TMPRSS9: variants seen among roughly 807,000 people sequenced by gnomAD.
TMPRSS9 encodes the protein transmembrane protease serine 9.
In TMPRSS9, 113 loss-of-function variants were observed where a neutral mutation model predicts 111.4. The ratio of observed to expected loss-of-function variants is 1.01; its 90% CI spans 0.87 to 1.19. The LOEUF (loss-of-function observed/expected upper bound fraction) is 1.19, where lower values mean the gene tolerates loss of function less well. TMPRSS9 is among the 50% of genes most tolerant of loss of function. TMPRSS9 has a pLI of 0.00. For missense variants in TMPRSS9, 1,803 were observed against 1,513.1 expected, an observed-to-expected ratio of 1.19 and a Z score of -3.18; for synonymous variants, 805 against 659.1, an observed-to-expected ratio of 1.22 and a Z score of -3.39.
At chr19:2,405,076 C>T (rs1294920298) in intron 6 of TMPRSS9, among the ~76,000 whole-genome samples, 1 of 151,932 alleles carries the variant, frequency 6.6e-6, no homozygotes, top group African/African-American at 2.4e-5. Context: ...ATATCCTATA[C>T]AAACATGTAC....
chr19:2,413,746 T>G, exon 10 of TMPRSS9: 2 of 1,613,834 alleles, frequency 1.2e-6, no homozygotes, highest in Non-Finnish European at 1.7e-6. Flanking sequence ...TCTGGCCGGT[T>G]CTTTCTGGCT....
At chr19:2,385,380 G>A (rs1970458395), upstream of TMPRSS9, among the ~76,000 whole-genome samples, 1 of 152,214 alleles carries the variant, frequency 6.6e-6, no homozygotes, top group Non-Finnish European at 1.5e-5. Flanking sequence ...CGCGGAAAAT[G>A]GGTGGATCCC....
intron 5 of TMPRSS9, among the ~76,000 whole-genome samples, chr19:2,402,302 A>G (rs1568180505): frequency 1.3e-5 from 2 of 152,084 alleles, no homozygotes; most frequent in East Asian, 3.9e-4. Context: ...TTAGCCGGGC[A>G]TAGTGGCGTA....
chr19:2,418,105 A>G, exon 13 of TMPRSS9: 1 of 1,612,146 alleles, frequency 6.2e-7, no homozygotes, highest in Non-Finnish European at 8.5e-7. Flanking sequence ...TGATCTGCGC[A>G]GGCTTCCTGG....
At chr19:2,395,136 C>T (rs1043606333) in intron 1 of TMPRSS9, among the ~76,000 whole-genome samples, 1 of 152,026 alleles carries the variant, frequency 6.6e-6, no homozygotes, top group African/African-American at 2.4e-5. Flanking sequence ...CAAAAATTAA[C>T]GCTGGGTGCA....
At chr19:2,416,633 T>C in exon 12 of TMPRSS9, 1 of 1,612,900 alleles carries the variant, frequency 6.2e-7, no homozygotes, top group South Asian at 1.1e-5. Context: ...CGGGTAGTGC[T>C]GCACCCCCTC....
intron 9 of TMPRSS9, among the ~76,000 whole-genome samples, chr19:2,411,385 CTTT>C (rs1221156376): frequency 7.1e-5 from 9 of 126,940 alleles, no homozygotes; most frequent in Non-Finnish European, 1.4e-4. Context: ...CTGGAACCTT[CTTT>C]TTCTTCTTCT....
At chr19:2,400,906 G>T (rs1046145420) in intron 4 of TMPRSS9, among the ~76,000 whole-genome samples, 1 of 147,462 alleles carries the variant, frequency 6.8e-6, no homozygotes, top group Non-Finnish European at 1.5e-5. Flanking sequence ...CCTGGTGGAG[G>T]TGGAGGTTGC....
chr19:2,392,673 T>C (rs1227395056), intron 1 of TMPRSS9, among the ~76,000 whole-genome samples: 2 of 152,198 alleles, frequency 1.3e-5, no homozygotes, highest in Non-Finnish European at 2.9e-5. Context: ...GTCTAGCTAA[T>C]CTGGTGGGGA....
At chr19:2,420,417 G>A (rs376578091) in intron 13 of TMPRSS9, among the ~76,000 whole-genome samples, 13 of 145,080 alleles carry the variant, frequency 9.0e-5, no homozygotes, top group African/African-American at 1.5e-4. Context: ...ACTCCAGCCC[G>A]GGCAACAGAG....
exon 15 of TMPRSS9, chr19:2,424,185 G>T: frequency 6.8e-7 from 1 of 1,462,038 alleles, no homozygotes; most frequent in Non-Finnish European, 9.1e-7. Context: ...TGGCTGCGGC[G>T]CCGGGAACAC....
chr19:2,425,327 A>C (rs1030943867), intron 16 of TMPRSS9, 30 bp from the exon 18 acceptor site: 2 of 1,380,478 alleles, frequency 1.4e-6, no homozygotes, highest in Admixed American at 3.1e-5. Context: ...CGCGGTCCCC[A>C]CCCGCCCCGT....
chr19:2,387,906 G>C (rs1970510700), upstream of TMPRSS9, among the ~76,000 whole-genome samples: 1 of 152,206 alleles, frequency 6.6e-6, no homozygotes, highest in African/African-American at 2.4e-5. Context: ...TCACAGAGGG[G>C]CAGGGGAGGG....
At position 2,416,815 on chromosome 19, in the gene TMPRSS9, C is replaced by G. The variant is rs776904335; in HGVS notation, c.2017+6C>G. 2 of 1,600,214 alleles carry G rather than the reference C, an allele frequency of 1.2e-6. No individual in the cohort carries two copies. Among genetic ancestry groups the G allele is most frequent in the Admixed American group, 3.3e-5 (2 of 59,714 alleles). Reference sequence around the variant, plus strand: ...AAATACGCAGGAAGGAAATGGTGAGCGCTGCCCCATCGAGGGGAACGGTGG... The same window carrying G: ...AAATACGCAGGAAGGAAATGGTGAGGGCTGCCCCATCGAGGGGAACGGTGG... On this transcript the variant is annotated splice_donor_region_variant and intron_variant, in intron 12 of 17. Transcript: ENST00000648592.
At chr19:2,379,666 T>TTTCTTTC (rs1463772708) in intron 1 of TMPRSS9, among the ~76,000 whole-genome samples, 4 of 149,698 alleles carry the variant, frequency 2.7e-5, no homozygotes, top group Admixed American at 6.7e-5. Context: ...TCTTTCTTTC[T>TTTCTTTC]TTCTTTCTTT....
intron 1 of TMPRSS9, among the ~76,000 whole-genome samples, chr19:2,364,163 C>T (rs751544086): frequency 6.6e-5 from 10 of 151,816 alleles, no homozygotes; most frequent in South Asian, 4.2e-4. Flanking sequence ...GCCTGGGTGA[C>T]GGAGTGAGAC....
chr19:2,399,137 G>C, exon 4 of TMPRSS9: 1 of 1,613,230 alleles, frequency 6.2e-7, no homozygotes, highest in Non-Finnish European at 8.5e-7. Flanking sequence ...GCAAGGCTGC[G>C]GGAGCACGGC....
In TMPRSS9 at chr19:2,416,716, A is replaced by G. The variant is rs148293449; in HGVS notation, c.1924A>G (p.Ile642Val). 8.0e-5 allele frequency: 129 copies of G among 1,612,980 alleles called. 1 individual carries two copies. The Middle Eastern group carries it at 9.9e-4, about 12-fold the overall frequency. The change falls in exon 12 of 18, where the codon ATC becomes GTC. Residue 642 changes from isoleucine (I) to valine (V), a missense_variant. Coordinates refer to ENST00000648592, the Ensembl canonical transcript of TMPRSS9. ...CAGCCCCCTGGCCTTCAACAAATAC[A>G]TCCAGCCTGTCTGCCTGCCCCTGGC...
At chr19:2,424,404 ACCC>A (rs949357784) in intron 15 of TMPRSS9, 147 bp downstream of exon 16, 4 of 754,860 alleles carry the variant, frequency 5.3e-6, no homozygotes, top group South Asian at 6.6e-5. Context: ...CACTCCTCCC[ACCC>A]CCCATCTCCC....
Sources: gnomAD v4.1 joint callset for allele counts (sites outside exome capture counted in the v4.1 genomes callset) on GRCh38, gnomAD v4.1.1 for gene constraint, MANE v1.5 for transcripts, NCBI Gene and HGNC (gene_info 2026-07-23, HGNC 2026-07-21) for gene names.